The following BABAM2 variants were observed in gnomAD, a reference collection of about 807,000 sequenced individuals.
The protein encoded by BABAM2 is BRISC and BRCA1 A complex member 2.
Under a neutral mutation model 54.7 loss-of-function variants are expected in BABAM2, and 31 were observed. That is an observed-to-expected ratio of 0.57 (90% CI 0.43 to 0.77). BABAM2 has a LOEUF of 0.77. Ranked by LOEUF, BABAM2 falls within the 30% of genes least tolerant of loss-of-function variation. The pLI, the probability that BABAM2 is intolerant of heterozygous loss-of-function variation, is 0.00. For synonymous variants in BABAM2, 167 were observed against 162.9 expected, an observed-to-expected ratio of 1.03 and a Z score of -0.19; for missense variants, 364 against 455.8, an observed-to-expected ratio of 0.80 and a Z score of 1.83.
intron 6 of BABAM2, among the ~76,000 whole-genome samples, chr2:28,052,357 G>C (rs1678066113): frequency 6.8e-6 from 1 of 147,974 alleles, no homozygotes; most frequent in African/African-American, 2.5e-5. Context: ...GCACGATCTT[G>C]GCTCACTGCC....
At chr2:28,338,394 TG>T (rs1652461832) in intron 11 of BABAM2, 55 bp from the exon 12 acceptor site, 5 of 1,472,830 alleles carry the variant, frequency 3.4e-6, no homozygotes, top group Admixed American at 3.4e-5. Flanking sequence ...AGTTGCACTT[TG>T]TTTCAAGTTG....
intron 4 of BABAM2, among the ~76,000 whole-genome samples, chr2:28,003,651 T>C (rs999406868): frequency 1.3e-5 from 2 of 152,132 alleles, no homozygotes; most frequent in Admixed American, 1.3e-4. Context: ...ACTACAGGTA[T>C]TGAAAATGAA....
intron 3 of BABAM2, among the ~76,000 whole-genome samples, chr2:27,983,762 A>ACTGTTGTAC (rs1418089138): frequency 5.9e-5 from 9 of 152,054 alleles, no homozygotes; most frequent in African/African-American, 2.2e-4. Context: ...ATCGTTAATT[A>ACTGTTGTAC]CTGTTGTACA....
chr2:28,176,113 T>A (rs1364739290), intron 7 of BABAM2, among the ~76,000 whole-genome samples: 1 of 152,170 alleles, frequency 6.6e-6, no homozygotes, highest in East Asian at 1.9e-4. Context: ...AAGTTAGAAG[T>A]GACTTTTGCA....
chr2:28,008,893 T>C (rs1046492419), intron 4 of BABAM2, among the ~76,000 whole-genome samples: 18 of 152,130 alleles, frequency 1.2e-4, no homozygotes, highest in African/African-American at 4.3e-4. Context: ...TCTTCCCCCC[T>C]GGATATGGGC....
At chr2:27,972,626 A>T (rs1376677448) in intron 3 of BABAM2, among the ~76,000 whole-genome samples, 1 of 152,202 alleles carries the variant, frequency 6.6e-6, no homozygotes, top group Admixed American at 6.5e-5. Flanking sequence ...TACACATCAG[A>T]TGCTAAAGTT....
At chr2:28,129,203 G>A (rs977908123) in intron 6 of BABAM2, 68 bp from the exon 7 acceptor site, 4 of 1,421,530 alleles carry the variant, frequency 2.8e-6, no homozygotes, top group Non-Finnish European at 4.0e-6. Flanking sequence ...CCAGTGGACT[G>A]TGAGCTTGAC....
At chr2:28,211,379 T>A (rs1679433077) in intron 7 of BABAM2, among the ~76,000 whole-genome samples, 2 of 102,204 alleles carry the variant, frequency 2.0e-5, no homozygotes, top group African/African-American at 3.4e-5. Flanking sequence ...AGTTCCTTCC[T>A]TATTATCTTT....
At position 28,062,084 on chromosome 2, in the gene BABAM2, C is replaced by G. The variant is rs147473881; in HGVS notation, c.570+16285C>G. On this transcript the variant is annotated intron_variant, in intron 6 of 11. Coordinates refer to ENST00000379624, the MANE Select transcript of BABAM2 (RefSeq NM_199191.3). Reference sequence around the variant, plus strand: ...ACCAGCCTGGCCAACGTGGCAAAACCCTTTCTCTACTAAAAATACAAAAAT... The same window carrying G: ...ACCAGCCTGGCCAACGTGGCAAAACGCTTTCTCTACTAAAAATACAAAAAT... 3.5e-3 allele frequency among the ~76,000 whole-genome samples: 532 copies of G among 152,078 alleles called. 1 individual carries two copies. The highest frequency in any genetic ancestry group is 0.012 in the African/African-American group (508 of 41,466).
Position 28,228,767 on chromosome 2 carries a change from A to G in BABAM2, c.681-8435A>G, listed in dbSNP as rs1681114004. Among the ~76,000 whole-genome samples, 6 of 152,294 alleles carry G rather than the reference A, an allele frequency of 3.9e-5. No homozygotes were observed. The South Asian group carries it at 1.2e-3, about 32-fold the overall frequency. On this transcript the variant is annotated intron_variant, in intron 7 of 11. Coordinates refer to ENST00000379624, the MANE Select transcript of BABAM2 (RefSeq NM_199191.3). ...TAGAACAACATCTGCTAAGTCTGTT[A>G]TTGTTTTGGGGGGCTTACTTAAAAT...
intron 6 of BABAM2, among the ~76,000 whole-genome samples, chr2:28,089,038 G>A (rs1558324389): frequency 2.0e-5 from 3 of 151,010 alleles, no homozygotes; most frequent in Non-Finnish European, 4.4e-5. Context: ...GTGCATTTAG[G>A]GTTTTTTTTT....
At chr2:28,255,877 G>C (rs545985151) in intron 10 of BABAM2, among the ~76,000 whole-genome samples, 25 of 152,188 alleles carry the variant, frequency 1.6e-4, no homozygotes, top group African/African-American at 5.3e-4. Flanking sequence ...TGTTCCCCAG[G>C]CTGGTCTTAA....
chr2:28,291,975 C>T (rs1465093421), intron 10 of BABAM2, among the ~76,000 whole-genome samples: 1 of 152,178 alleles, frequency 6.6e-6, no homozygotes, highest in Admixed American at 6.5e-5. Flanking sequence ...AACAATCAGC[C>T]TCAAATGGAA....
At chr2:28,272,071 G>A (rs1339007249) in intron 10 of BABAM2, among the ~76,000 whole-genome samples, 1 of 152,164 alleles carries the variant, frequency 6.6e-6, no homozygotes, top group Admixed American at 6.5e-5. Context: ...TTTTGGGAAA[G>A]CATCCAAGAG....
At chr2:28,182,554 G>A (rs921368081) in intron 7 of BABAM2, among the ~76,000 whole-genome samples, 1 of 152,146 alleles carries the variant, frequency 6.6e-6, no homozygotes, top group African/African-American at 2.4e-5. Flanking sequence ...TAGTGGCAGT[G>A]GTAGGACTAC....
At chr2:28,057,621 C>T (rs575390826) in intron 6 of BABAM2, among the ~76,000 whole-genome samples, 62 of 152,236 alleles carry the variant, frequency 4.1e-4, no homozygotes, top group Middle Eastern at 3.4e-3. Context: ...CTCATTACTC[C>T]ATTTTCATCA....
intron 6 of BABAM2, among the ~76,000 whole-genome samples, chr2:28,076,360 A>G (rs1410711490): frequency 6.6e-6 from 1 of 152,108 alleles, no homozygotes; most frequent in Non-Finnish European, 1.5e-5. Context: ...CATTTTAGAT[A>G]AAAAATTTTT....
At chr2:28,100,956 C>T (rs1667031765) in intron 6 of BABAM2, among the ~76,000 whole-genome samples, 1 of 152,156 alleles carries the variant, frequency 6.6e-6, no homozygotes, top group African/African-American at 2.4e-5. Flanking sequence ...AGTTTACATA[C>T]AGAGAAGGCA....
intron 4 of BABAM2, among the ~76,000 whole-genome samples, chr2:28,006,844 T>C (rs953970954): frequency 6.6e-6 from 1 of 152,052 alleles, no homozygotes; most frequent in Non-Finnish European, 1.5e-5. Context: ...TGTATATTAA[T>C]GTTAGGTGTC....
Sources: gnomAD v4.1 joint callset for allele counts (sites outside exome capture counted in the v4.1 genomes callset) on GRCh38, gnomAD v4.1.1 for gene constraint, MANE v1.5 for transcripts, NCBI Gene and HGNC (gene_info 2026-07-23, HGNC 2026-07-21) for gene names.